ARFRP1: variants seen among roughly 807,000 people sequenced by gnomAD.
ARFRP1 encodes the protein ADP-ribosylation factor-related protein 1.
Under a neutral mutation model 30.3 loss-of-function variants are expected in ARFRP1, and 19 were observed. The observed-to-expected ratio is 0.63, with a 90% CI of 0.44 to 0.92. The LOEUF (loss-of-function observed/expected upper bound fraction) is 0.92. Ranked by LOEUF, ARFRP1 falls within the 40% of genes least tolerant of loss-of-function variation. The pLI is 0.00. For synonymous variants in ARFRP1, 133 were observed against 114.2 expected (o/e 1.16, Z -1.05); for missense variants, 245 against 267.5 (o/e 0.92, Z 0.59).
intron 5 of ARFRP1, 105 bp from the exon 6 acceptor site, chr20:63,702,005 C>CCA: frequency 2.1e-6 from 2 of 967,376 alleles, no homozygotes; most frequent in Admixed American, 2.4e-5. Context: ...TCTGCCCCCC[C>CCA]CCCCCCCGTC....
At position 63,701,889 on chromosome 20, in the gene ARFRP1, T is replaced by G. The variant is rs773749299; in HGVS notation, c.358A>C (p.Thr120Pro). 1.3e-6 allele frequency: 2 copies of G among 1,549,316 alleles called. No homozygotes were observed. Among genetic ancestry groups the G allele is most frequent in the South Asian group, 2.4e-5 (2 of 84,078 alleles). The change falls in exon 6 of 8, where the codon ACC (threonine) becomes CCC (proline). Residue 120 changes from threonine (T) to proline (P), a missense_variant. Coordinates refer to ENST00000622789, the MANE Select transcript of ARFRP1 (RefSeq NM_001267547.3). Reference protein sequence around the residue: ...ESKQAFEKVVTSEALCGVPVL... With the variant: ...ESKQAFEKVVPSEALCGVPVL... ...GGGACACCGCACAGCGCCTCGCTGG[T>G]CACCACCTTCTCTGGGGAGGGCAGG...
chr20:63,700,310 C>T lies in ARFRP1; in HGVS notation c.*133G>A, dbSNP rs1321272912. On this transcript the variant is annotated 3_prime_UTR_variant, in exon 8 of 8. Coordinates refer to ENST00000622789, the MANE Select transcript of ARFRP1 (RefSeq NM_001267547.3). ...CCAGACATAGAGGAAAGTTTGTCTT[C>T]GAGAAAACAAAGTAAATAGAAGAAC... 1.4e-5 allele frequency: 18 copies of T among 1,330,592 alleles called. No homozygotes were observed. The highest frequency in any genetic ancestry group is 2.7e-5 in the South Asian group (2 of 74,378). 82.4% of individuals were successfully genotyped at this position (1,330,592 alleles called of 1,614,324 possible). A position where few individuals can be genotyped will look rare whatever the true frequency, so the allele number is the denominator to read the frequency against.
intron 6 of ARFRP1, 143 bp downstream of exon 6, chr20:63,701,687 G>A (rs1181475467): frequency 6.8e-6 from 5 of 736,874 alleles, no homozygotes; most frequent in Non-Finnish European, 8.9e-6. Flanking sequence ...GAAGCTGCTG[G>A]GGGCAGGGCA....
chr20:63,702,056 G>T, intron 5 of ARFRP1, 80 bp downstream of exon 5: 1 of 1,190,990 alleles, frequency 8.4e-7, no homozygotes, highest in Non-Finnish European at 1.2e-6. Context: ...CACTGAGCCT[G>T]CCCCAGGCAC....
At chr20:63,702,103 C>T in intron 5 of ARFRP1, 33 bp downstream of exon 5, 1 of 1,600,742 alleles carries the variant, frequency 6.2e-7, no homozygotes. Flanking sequence ...CACTCACCAT[C>T]CATCCCTCCC....
intron 6 of ARFRP1, among the ~76,000 whole-genome samples, chr20:63,701,015 C>T (rs913467897): frequency 3.3e-5 from 5 of 152,136 alleles, no homozygotes; most frequent in East Asian, 1.9e-4. Context: ...TGGGCAGTGG[C>T]GGAGGCAGGT....
rs1461225348 is a variant in ARFRP1, at chr20:63,707,934, C to A, written c.-74G>T. 1 of 152,384 alleles carries A rather than the reference C, an allele frequency of 6.6e-6. No individual in the cohort carries two copies. Among genetic ancestry groups the A allele is most frequent in the East Asian group, 1.9e-4 (1 of 5,196 alleles). The allele number at this position is 152,384 out of a possible 1,614,324, so 9.4% of individuals were successfully genotyped here. The stretch of plus-strand genomic sequence containing the variant: ...CTGACCTCCGCTGACCCCGCGCTAA[C>A]CCCGCGCGGCGCCTGACGGGACGCG... On this transcript the variant is annotated 5_prime_UTR_variant, in exon 1 of 8. Coordinates refer to ENST00000622789, the MANE Select transcript of ARFRP1 (RefSeq NM_001267547.3).
In ARFRP1 at chr20:63,707,851, A is replaced by ACAGCCTGCGGC. The variant is rs1400058738; in HGVS notation, c.-7+5_-7+15dup. The ACAGCCTGCGGC allele has an allele frequency of 6.6e-6, 1 of 152,466 alleles. No individual in the cohort carries two copies. Among genetic ancestry groups the ACAGCCTGCGGC allele is most frequent in the Non-Finnish European group, 1.5e-5 (1 of 68,334 alleles). The allele number at this position is 152,466 out of a possible 1,614,324, so 9.4% of individuals were successfully genotyped here. ...CCCCTCGGGCCTCGCGCCTCACCGC[A>ACAGCCTGCGGC]CAGCCTGCGGCCTACCTGCGTCCGC... On this transcript the variant is annotated intron_variant, in intron 1 of 7. Transcript: ENST00000622789.
Position 63,700,199 on chromosome 20 carries a change from C to T in ARFRP1, c.*244G>A, listed in dbSNP as rs934333876. On this transcript the variant is annotated 3_prime_UTR_variant, in exon 8 of 8. Transcript: ENST00000622789. ...AAAGGGCCTCGAAAGGCCGCCGCTGCGCCCTGTGGAAAGGCTGCCGCTGCA... is the reference window on the plus strand; with the variant it reads ...AAAGGGCCTCGAAAGGCCGCCGCTGTGCCCTGTGGAAAGGCTGCCGCTGCA... 13 of 560,102 alleles carry T rather than the reference C, an allele frequency of 2.3e-5. No homozygotes were observed. The highest frequency in any genetic ancestry group is 4.1e-5 in the Non-Finnish European group (13 of 317,394). 34.7% of individuals were successfully genotyped at this position (560,102 alleles called of 1,614,324 possible).
chr20:63,700,556 G>A (rs556108904), intron 7 of ARFRP1, 26 bp from the exon 8 acceptor site: 2 of 1,610,620 alleles, frequency 1.2e-6, no homozygotes, highest in Admixed American at 3.3e-5. Context: ...GTGTGAGGCG[G>A]GGGGTCTCGG....
At chr20:63,701,936 G>A (rs747106099) in intron 5 of ARFRP1, 36 bp from the exon 6 acceptor site, 10 of 1,537,960 alleles carry the variant, frequency 6.5e-6, no homozygotes, top group Non-Finnish European at 8.8e-6. Context: ...CTCACACCCA[G>A]CATCCTGCCT....
In ARFRP1 at chr20:63,707,041, C is replaced by T; in HGVS notation, c.51G>A (p.Glu17=). The change falls in exon 2 of 8, where the codon GAG becomes GAA. Residue 17 remains glutamate, a synonymous_variant. Coordinates refer to ENST00000622789, the MANE Select transcript of ARFRP1 (RefSeq NM_001267547.3). ...GLYKYMFQKD[E]YCILILGLDN... The stretch of plus-strand genomic sequence containing the variant: ...CCAGGCCCAGGATCAGGATGCAGTA[C>T]TCGTCCTTCTGAAACATGTACTTGT... 1 of 1,613,930 alleles carries T rather than the reference C, an allele frequency of 6.2e-7. No homozygotes were observed. The highest frequency in any genetic ancestry group is 2.2e-5 in the East Asian group (1 of 44,884).
At chr20:63,704,498 TGGAG>T (rs891127370) in intron 4 of ARFRP1, 2 of 152,116 alleles carry the variant, frequency 1.3e-5, no homozygotes, top group Admixed American at 1.3e-4. Flanking sequence ...CGGTGGTGTC[TGGAG>T]AAGGGCTCAG....
At chr20:63,702,747 G>C (rs1179439536) in intron 4 of ARFRP1, 1 of 157,284 alleles carries the variant, frequency 6.4e-6, no homozygotes, top group Non-Finnish European at 1.4e-5. Context: ...AAAAAGATAG[G>C]GTTTGGGGGC....
Position 63,699,113 on chromosome 20 carries a change from G to C in ARFRP1, c.*1330C>G, listed in dbSNP as rs1449901615. The C allele has an allele frequency of 2.0e-5, 3 of 152,154 alleles. No homozygotes were observed. The highest frequency in any genetic ancestry group is 4.8e-5 in the African/African-American group (2 of 41,380). 9.4% of individuals were successfully genotyped at this position (152,154 alleles called of 1,614,324 possible). On this transcript the variant is annotated 3_prime_UTR_variant, in exon 8 of 8. Coordinates refer to ENST00000622789, the MANE Select transcript of ARFRP1 (RefSeq NM_001267547.3). ...TCTGGGGCAGGCTCTGAAGCCTCCCGATGCACCCAGAGCAACCGGGGGGCT... is the reference window on the plus strand; with the variant it reads ...TCTGGGGCAGGCTCTGAAGCCTCCCCATGCACCCAGAGCAACCGGGGGGCT...
chr20:63,706,543 TGAGAC>T, intron 3 of ARFRP1, 103 bp downstream of exon 3: 1 of 1,520,946 alleles, frequency 6.6e-7, no homozygotes, highest in Non-Finnish European at 9.1e-7. Flanking sequence ...GCCACTCAAA[TGAGAC>T]TTGAGAGGGG....
rs1321428368 is a variant in ARFRP1 at position 63,700,384 on chromosome 20, C to G, written c.*59G>C. On this transcript the variant is annotated 3_prime_UTR_variant, in exon 8 of 8. Transcript: ENST00000622789. ...CCCAGATCAGCAGCATGGGAGCCAA[C>G]AGGAGGCCACTCCTCCAGCACCAGG... 2.5e-6 allele frequency: 4 copies of G among 1,597,358 alleles called. No individual in the cohort carries two copies. The African/African-American group carries it at 5.3e-5, about 21-fold the overall frequency.
At chr20:63,702,052 GC>G in intron 5 of ARFRP1, 83 bp downstream of exon 5, 1 of 1,157,754 alleles carries the variant, frequency 8.6e-7, no homozygotes, top group South Asian at 1.2e-5. Flanking sequence ...CAGACACTGA[GC>G]CTGCCCCAGG....
At chr20:63,705,886 A>G (rs960758421) in intron 4 of ARFRP1, 2 of 410,946 alleles carry the variant, frequency 4.9e-6, no homozygotes, top group African/African-American at 2.1e-5. Context: ...ATTCCCAGAC[A>G]CTTGTAAGAT....
Sources: allele counts gnomAD v4.1 joint callset (sites outside exome capture counted in the v4.1 genomes callset), GRCh38; gene constraint gnomAD v4.1.1; transcripts MANE v1.5; gene names NCBI Gene and HGNC (gene_info 2026-07-23, HGNC 2026-07-21).